Variants in WDR11 observed in about 807,000 individuals in gnomAD.
The protein encoded by WDR11 is WD repeat-containing protein 11.
In WDR11, 83 loss-of-function variants were observed where a neutral mutation model predicts 151.2. The observed-to-expected ratio is 0.55, with a 90% CI of 0.46 to 0.66. The LOEUF (loss-of-function observed/expected upper bound fraction) is 0.66. WDR11 is among the 30% of genes least tolerant of loss of function. The pLI is 0.00. For synonymous variants in WDR11, 484 were observed against 533.1 expected (o/e 0.91, Z 1.27); for missense variants, 1,301 against 1,480.9 (o/e 0.88, Z 1.99).
intron 9 of WDR11, among the ~76,000 whole-genome samples, chr10:120,868,180 G>A (rs181847809): frequency 1.6e-4 from 24 of 152,252 alleles, no homozygotes; most frequent in Non-Finnish European, 3.1e-4. Flanking sequence ...TTGGCCAGGC[G>A]CAGTGACTCA....
chr10:120,908,922 G>A lies in WDR11; in HGVS notation c.*209G>A, dbSNP rs774289623. ...CCTGCGTTGGTCTCAGAAAGAACGTGAATGCTTAAGATTTTGAAAGTACAT... is the reference window on the plus strand; with the variant it reads ...CCTGCGTTGGTCTCAGAAAGAACGTAAATGCTTAAGATTTTGAAAGTACAT... On this transcript the variant is annotated 3_prime_UTR_variant, in exon 29 of 29. Transcript: ENST00000263461. 6 of 595,094 alleles carry A rather than the reference G, an allele frequency of 1.0e-5. No homozygotes were observed. The highest frequency in any genetic ancestry group is 2.0e-5 in the South Asian group (1 of 49,794). 36.9% of individuals were successfully genotyped at this position (595,094 alleles called of 1,614,324 possible). A position where few individuals can be genotyped will look rare whatever the true frequency, so the allele number is the denominator to read the frequency against.
At chr10:120,886,657 A>C (rs201143283) in intron 15 of WDR11, 32 bp from the exon 16 acceptor site, 5 of 1,610,038 alleles carry the variant, frequency 3.1e-6, no homozygotes, top group Middle Eastern at 1.6e-4. Flanking sequence ...GGAAAAAAAA[A>C]CATCTTTATC....
At chr10:120,864,282 C>T (rs1364236452) in intron 5 of WDR11, among the ~76,000 whole-genome samples, 1 of 152,104 alleles carries the variant, frequency 6.6e-6, no homozygotes, top group African/African-American at 2.4e-5. Flanking sequence ...TGTGAACTAA[C>T]TTTATTTTAA....
Position 120,900,020 on chromosome 10 carries a change from G to A in WDR11, c.2516-9G>A. The A allele has an allele frequency of 1.2e-6, 2 of 1,608,906 alleles. No homozygotes were observed. The highest frequency in any genetic ancestry group is 1.7e-4 in the Middle Eastern group (1 of 6,052). The stretch of plus-strand genomic sequence containing the variant: ...ATTTTATTTTTAAAAACCTTTCTTT[G>A]TTGTCTAGAGCCTGTGTGGTGCCCC... On this transcript the variant is annotated splice_polypyrimidine_tract_variant and intron_variant, in intron 19 of 28. Transcript: ENST00000263461.
Position 120,858,724 on chromosome 10 carries a change from A to C in WDR11, c.280A>C (p.Lys94Gln). Residue 94 changes from lysine (K) to glutamine (Q), a missense_variant, in exon 3 of 29, where the codon AAG becomes CAG. Physicochemically the swap from Lys to Gln is moderately conservative, Grantham distance 53 (BLOSUM62 1). This residue lies in a region of WDR11 where 692 missense variants were observed against 762.5 expected (regional missense o/e 0.91). Coordinates refer to ENST00000263461, the MANE Select transcript of WDR11 (RefSeq NM_018117.12). ...GTTAGCTTCTGCTGATGTCAATGGGAAGATCATCGTCTGGGATGTAGCAGC... is the reference window on the plus strand; with the variant it reads ...GTTAGCTTCTGCTGATGTCAATGGGCAGATCATCGTCTGGGATGTAGCAGC... Reference protein sequence around the residue: ...LRLASADVNGKIIVWDVAAGV... With the variant: ...LRLASADVNGQIIVWDVAAGV... 13 of 1,614,184 alleles carry C rather than the reference A, an allele frequency of 8.1e-6. No homozygotes were observed. The highest frequency in any genetic ancestry group is 2.7e-5 in the African/African-American group (2 of 75,034).
chr10:120,876,411 T>C (rs1282751761), intron 11 of WDR11, among the ~76,000 whole-genome samples: 2 of 152,218 alleles, frequency 1.3e-5, no homozygotes, highest in Non-Finnish European at 2.9e-5. Flanking sequence ...CTTACGCTGT[T>C]CCTATACAGC....
chr10:120,873,385 AT>A (rs1289290823), intron 10 of WDR11, among the ~76,000 whole-genome samples: 1 of 152,212 alleles, frequency 6.6e-6, no homozygotes, highest in Non-Finnish European at 1.5e-5. Context: ...TCTTGTCAGG[AT>A]TTATTTAATA....
Position 120,908,801 on chromosome 10 carries a change from AGAG to A in WDR11, c.*92_*94del, listed in dbSNP as rs535202972. Reference sequence around the variant, plus strand: ...TGGCCACCGTCACAGTCCAGGATGAAGAGGAGTACAGGGTCCTGTGAGCTGTTT... The same window carrying A: ...TGGCCACCGTCACAGTCCAGGATGAAGAGTACAGGGTCCTGTGAGCTGTTT... On this transcript the variant is annotated 3_prime_UTR_variant, in exon 29 of 29. Coordinates refer to ENST00000263461, the MANE Select transcript of WDR11 (RefSeq NM_018117.12). 21 of 1,440,518 alleles carry A rather than the reference AGAG, an allele frequency of 1.5e-5. No homozygotes were observed. The South Asian group carries it at 2.2e-4, about 15-fold the overall frequency. 89.2% of individuals were successfully genotyped at this position (1,440,518 alleles called of 1,614,324 possible).
At chr10:120,893,789 G>A (rs1350338072) in intron 19 of WDR11, among the ~76,000 whole-genome samples, 1 of 151,760 alleles carries the variant, frequency 6.6e-6, no homozygotes, top group Non-Finnish European at 1.5e-5. Context: ...TTTTTCATGT[G>A]TTTTTTGGCT....
At chr10:120,897,233 A>G (rs1396827271) in intron 19 of WDR11, among the ~76,000 whole-genome samples, 1 of 152,236 alleles carries the variant, frequency 6.6e-6, no homozygotes, top group Non-Finnish European at 1.5e-5. Flanking sequence ...GCAAAAGCTC[A>G]GGTGGACAGA....
intron 11 of WDR11, 76 bp from the exon 12 acceptor site, chr10:120,878,277 A>T: frequency 8.1e-7 from 1 of 1,228,354 alleles, no homozygotes; most frequent in East Asian, 2.4e-5. Flanking sequence ...TCTTTGGAAA[A>T]CTTATTTTTC....
chr10:120,906,526 C>T, intron 27 of WDR11: 1 of 1,361,552 alleles, frequency 7.3e-7, no homozygotes, highest in Non-Finnish European at 9.5e-7. Context: ...TGTCATATCT[C>T]TGTAGATTTT....
chr10:120,869,113 T>G lies in WDR11; in HGVS notation c.1294+1944T>G, dbSNP rs546348747. Among the ~76,000 whole-genome samples the G allele has an allele frequency of 2.8e-3, 399 of 144,324 alleles. 11 individuals are homozygous for G. The East Asian group carries it at 0.05, about 18-fold the overall frequency. The allele number at this position is 144,324 out of a possible 152,430, so 94.7% of individuals were successfully genotyped here. A position where few individuals can be genotyped will look rare whatever the true frequency, so the allele number is the denominator to read the frequency against. On this transcript the variant is annotated intron_variant, in intron 9 of 28. Transcript: ENST00000263461. ...AAGTGATATAAATTACAGGTTTTTT[T>G]TTTTTTTTTTTTTTTGAGACGGAGT...
At chr10:120,859,305 T>C (rs1846053104) in intron 3 of WDR11, among the ~76,000 whole-genome samples, 1 of 150,686 alleles carries the variant, frequency 6.6e-6, no homozygotes, top group African/African-American at 2.5e-5. Context: ...TGTCGCTCTG[T>C]TGCCCAGGCT....
At chr10:120,868,344 C>T (rs1846390210) in intron 9 of WDR11, among the ~76,000 whole-genome samples, 1 of 151,958 alleles carries the variant, frequency 6.6e-6, no homozygotes, top group Non-Finnish European at 1.5e-5. Flanking sequence ...GTCCCAGCTA[C>T]TTAGGGGGCT....
chr10:120,851,564 G>C (rs1028044409), intron 1 of WDR11, 58 bp downstream of exon 1: 1 of 1,573,144 alleles, frequency 6.4e-7, no homozygotes, highest in East Asian at 2.3e-5. Context: ...GAGGGGGAAG[G>C]GGGAAGGACA....
chr10:120,900,169 A>G (rs1373195470), intron 20 of WDR11, 32 bp downstream of exon 20: 11 of 1,571,980 alleles, frequency 7.0e-6, no homozygotes, highest in Non-Finnish European at 8.7e-6. Flanking sequence ...TTCTTTCATA[A>G]TTTACTTGGG....
chr10:120,864,997 G>A, intron 5 of WDR11, 50 bp from the exon 6 acceptor site: 1 of 1,580,142 alleles, frequency 6.3e-7, no homozygotes, highest in Non-Finnish European at 8.7e-7. Context: ...CTTTTATTAG[G>A]TCTGATATAA....
chr10:120,854,450 C>G (rs984645977), intron 2 of WDR11, among the ~76,000 whole-genome samples: 2 of 152,126 alleles, frequency 1.3e-5, no homozygotes, highest in African/African-American at 2.4e-5. Flanking sequence ...TTGCCTGTTA[C>G]GAATAATGCT....
Sources: gnomAD v4.1 joint callset for allele counts (sites outside exome capture counted in the v4.1 genomes callset) on GRCh38, gnomAD v4.1.1 for gene constraint, gnomAD v4.1.1 regional missense constraint, MANE v1.5 for transcripts, NCBI Gene and HGNC (gene_info 2026-07-23, HGNC 2026-07-21) for gene names.